KLHL3: variants seen among roughly 807,000 people sequenced by gnomAD.
KLHL3 encodes kelch like family member 3.
A neutral mutation model predicts 70.5 loss-of-function variants in KLHL3; 19 were observed. The ratio of observed to expected loss-of-function variants is 0.27; its 90% CI spans 0.19 to 0.40. The LOEUF is 0.40. Ranked by LOEUF, KLHL3 falls within the 10% of genes least tolerant of loss-of-function variation. The probability of loss-of-function intolerance (pLI) is 1.00; values close to 1 mark genes in which losing one functional copy is unlikely to be tolerated. For missense variants in KLHL3, 512 were observed against 771.1 expected (o/e 0.66, Z 3.98); for synonymous variants, 258 against 290.3 (o/e 0.89, Z 1.13).
rs373403627 is a variant in KLHL3 at position 137,639,974 on chromosome 5, T to G, written c.907A>C (p.Met303Leu). ...PRTPVSLPKV[M>L]IVVGGQAPKA... ...GGTGCCTGGCCGCCAACCACAATCA[T>G]GACCTCCGGAGAGACAAGTGGACGT... Residue 303 changes from methionine (M) to leucine (L), a missense_variant, in exon 9 of 15, where the codon ATG becomes CTG. Transcript: ENST00000309755. This position sits in a 1 kb window ranked among gnomAD's most constrained non-coding sequence, Gnocchi z 5.0. The G allele has an allele frequency of 6.2e-7, 1 of 1,614,056 alleles. No individual in the cohort carries two copies. Among genetic ancestry groups the G allele is most frequent in the Non-Finnish European group, 8.5e-7 (1 of 1,179,896 alleles).
chr5:137,664,751 G>A (rs1751571218), intron 6 of KLHL3, among the ~76,000 whole-genome samples: 1 of 152,034 alleles, frequency 6.6e-6, no homozygotes, highest in Admixed American at 6.6e-5. Flanking sequence ...CCAGGAGGTG[G>A]AAGCTGCAGT....
chr5:137,730,881 T>G (rs1753162801), intron 1 of KLHL3, among the ~76,000 whole-genome samples: 1 of 152,134 alleles, frequency 6.6e-6, no homozygotes, highest in Non-Finnish European at 1.5e-5. Context: ...TCCTCATAAA[T>G]GATAAAAAGT....
intron 3 of KLHL3, chr5:137,706,381 G>T: frequency 1.0e-6 from 1 of 985,178 alleles, no homozygotes; most frequent in Non-Finnish European, 1.2e-6. Flanking sequence ...GAGATTTTTA[G>T]TATCTGTTTA....
intron 1 of KLHL3, among the ~76,000 whole-genome samples, chr5:137,735,272 G>A (rs1023545428): frequency 2.6e-5 from 4 of 152,114 alleles, no homozygotes; most frequent in African/African-American, 9.7e-5. Context: ...AAAACACCCC[G>A]GGAAAGGAGC....
chr5:137,657,602 T>C (rs1171884646), intron 8 of KLHL3, among the ~76,000 whole-genome samples: 6 of 152,168 alleles, frequency 3.9e-5, no homozygotes, highest in Non-Finnish European at 7.4e-5. Flanking sequence ...ATTTCTCCCA[T>C]TTCCTTCCTC....
At chr5:137,631,069 CAAAAA>C (rs70979549) in intron 12 of KLHL3, among the ~76,000 whole-genome samples, 1 of 105,772 alleles carries the variant, frequency 9.5e-6, no homozygotes, top group Non-Finnish European at 1.9e-5. Context: ...TCCAAAAATA[CAAAAA>C]AAAAAAAAAA....
intron 3 of KLHL3, chr5:137,705,888 A>C: frequency 2.2e-6 from 1 of 450,452 alleles, no homozygotes; most frequent in Non-Finnish European, 2.9e-6. Context: ...TGAGTCCTAG[A>C]CATTTCATCT....
chr5:137,679,600 A>T (rs1751975024), intron 5 of KLHL3, among the ~76,000 whole-genome samples: 1 of 152,226 alleles, frequency 6.6e-6, no homozygotes, highest in Admixed American at 6.5e-5. Context: ...AAGATAAAGG[A>T]AGTGCAGTAA....
chr5:137,712,717 G>C (rs943168101), intron 2 of KLHL3, among the ~76,000 whole-genome samples: 2 of 152,140 alleles, frequency 1.3e-5, no homozygotes, highest in African/African-American at 4.8e-5. Flanking sequence ...TTGTGGAAAA[G>C]TACAATGTAG....
chr5:137,628,030 G>A (rs1295761038), intron 13 of KLHL3: 4 of 463,654 alleles, frequency 8.6e-6, no homozygotes, highest in Non-Finnish European at 1.6e-5. Flanking sequence ...CCAGGTCTGT[G>A]CTCATCTGTG....
chr5:137,689,570 GA>G (rs1386582636), intron 5 of KLHL3, among the ~76,000 whole-genome samples: 1 of 152,176 alleles, frequency 6.6e-6, no homozygotes, highest in Non-Finnish European at 1.5e-5. Flanking sequence ...AATTAACACA[GA>G]AACAGAACAC....
chr5:137,704,358 G>C (rs1424559662), intron 3 of KLHL3, among the ~76,000 whole-genome samples: 2 of 151,694 alleles, frequency 1.3e-5, no homozygotes, highest in South Asian at 4.2e-4. Flanking sequence ...GCAGTCCGCA[G>C]TCCGGCCTGG....
intron 3 of KLHL3, among the ~76,000 whole-genome samples, chr5:137,701,434 T>C (rs1752564966): frequency 6.6e-6 from 1 of 152,158 alleles, no homozygotes; most frequent in Admixed American, 6.5e-5. Flanking sequence ...AGACCCTGTG[T>C]CATTTCTAAT....
chr5:137,702,409 A>G (rs1391435452), intron 3 of KLHL3, among the ~76,000 whole-genome samples: 1 of 152,216 alleles, frequency 6.6e-6, no homozygotes, highest in Admixed American at 6.5e-5. Flanking sequence ...TAGTATATAC[A>G]AAGGTCTGGA....
In KLHL3 at chr5:137,619,239, C is replaced by T. The variant is rs1368297948; in HGVS notation, c.*2859G>A. 2.0e-5 allele frequency: 3 copies of T among 152,550 alleles called. No homozygotes were observed. The highest frequency in any genetic ancestry group is 6.5e-5 in the Admixed American group (1 of 15,280). The allele number at this position is 152,550 out of a possible 1,614,324, so 9.4% of individuals were successfully genotyped here. ...TTAGGGGATATTGCAACTGGCTTGT[C>T]GGGAACTAGAATTAAGTATTCTTAT... On this transcript the variant is annotated 3_prime_UTR_variant, in exon 15 of 15. Coordinates refer to ENST00000309755, the MANE Select transcript of KLHL3 (RefSeq NM_017415.3).
intron 6 of KLHL3, among the ~76,000 whole-genome samples, chr5:137,674,891 G>A (rs1266067322): frequency 6.6e-6 from 1 of 152,168 alleles, no homozygotes; most frequent in Non-Finnish European, 1.5e-5. Flanking sequence ...AAGCCTAAAG[G>A]ACTAGCATTA....
Position 137,666,916 on chromosome 5 carries a change from C to T in KLHL3, c.637-4885G>A, listed in dbSNP as rs142907240. Among the ~76,000 whole-genome samples the T allele has an allele frequency of 9.2e-5, 14 of 152,278 alleles. No individual in the cohort carries two copies. The East Asian group carries it at 2.7e-3, about 29-fold the overall frequency. The stretch of plus-strand genomic sequence containing the variant: ...ACCCAATGATTAAATACTCTTAAGC[C>T]TTATTAAATGACTTGCCCAAGTCCC... On this transcript the variant is annotated intron_variant, in intron 6 of 14. Transcript: ENST00000309755.
intron 5 of KLHL3, among the ~76,000 whole-genome samples, chr5:137,679,258 T>C (rs904827487): frequency 2.0e-5 from 3 of 152,090 alleles, no homozygotes; most frequent in African/African-American, 2.4e-5. Flanking sequence ...CCCCTGTCAA[T>C]TGGTAACACC....
intron 2 of KLHL3, among the ~76,000 whole-genome samples, chr5:137,719,853 G>C (rs1046092877): frequency 6.6e-6 from 1 of 152,156 alleles, no homozygotes; most frequent in Non-Finnish European, 1.5e-5. Context: ...TGGTTTTCAA[G>C]CAGCTCGTTC....
Sources: gnomAD v4.1 joint callset for allele counts (sites outside exome capture counted in the v4.1 genomes callset) on GRCh38, gnomAD v4.1.1 for gene constraint, Gnocchi (gnomAD v3.1) non-coding constraint, MANE v1.5 for transcripts, NCBI Gene and HGNC (gene_info 2026-07-23, HGNC 2026-07-21) for gene names.